Variants in POU6F2 observed in about 807,000 individuals in gnomAD.
POU6F2 encodes POU class 6 homeobox 2.
In POU6F2, 31 loss-of-function variants were observed where a neutral mutation model predicts 71.3. The observed-to-expected ratio is 0.43, with a 90% CI of 0.33 to 0.59. POU6F2 has a LOEUF of 0.59. POU6F2 is among the 20% of genes least tolerant of loss of function. POU6F2 has a pLI of 0.04. For synonymous variants in POU6F2, 347 were observed against 355.7 expected, an observed-to-expected ratio of 0.98 and a Z score of 0.27; for missense variants, 783 against 856.8, an observed-to-expected ratio of 0.91 and a Z score of 1.07.
intron 2 of POU6F2, among the ~76,000 whole-genome samples, chr7:39,113,122 A>T (rs2128725983): frequency 6.6e-6 from 1 of 152,328 alleles, no homozygotes; most frequent in African/African-American, 2.4e-5. Context: ...TTGAATTTAA[A>T]TTCCAAAACT....
intron 4 of POU6F2, among the ~76,000 whole-genome samples, chr7:39,319,601 C>T (rs1187758658): frequency 1.3e-5 from 2 of 152,160 alleles, no homozygotes; most frequent in Non-Finnish European, 2.9e-5. Flanking sequence ...CATCCAGCCC[C>T]GAGGAAATTC....
intron 4 of POU6F2, among the ~76,000 whole-genome samples, chr7:39,220,895 C>T (rs1206687016): frequency 6.6e-6 from 1 of 151,836 alleles, no homozygotes; most frequent in African/African-American, 2.4e-5. Context: ...GGCTATTGGG[C>T]ATTTAAAATG....
At chr7:39,394,053 T>TA (rs1787127677) in intron 5 of POU6F2, among the ~76,000 whole-genome samples, 1 of 152,152 alleles carries the variant, frequency 6.6e-6, no homozygotes, top group African/African-American at 2.4e-5. Context: ...AGTCCCCAAA[T>TA]AAATAAAAGA....
At chr7:39,307,627 T>G (rs1785072087) in intron 4 of POU6F2, among the ~76,000 whole-genome samples, 1 of 152,184 alleles carries the variant, frequency 6.6e-6, no homozygotes, top group Non-Finnish European at 1.5e-5. Flanking sequence ...TAAGTAAAGT[T>G]TTAGGATTAT....
At chr7:38,989,202 G>A (rs193086770) in intron 1 of POU6F2, among the ~76,000 whole-genome samples, 3 of 152,128 alleles carry the variant, frequency 2.0e-5, no homozygotes, top group African/African-American at 4.8e-5. Context: ...AGATGTGTCC[G>A]ACTTCAAATA....
At chr7:38,994,557 A>T (rs1225079471) in intron 1 of POU6F2, among the ~76,000 whole-genome samples, 1 of 152,160 alleles carries the variant, frequency 6.6e-6, no homozygotes, top group East Asian at 1.9e-4. Flanking sequence ...GCTCCTCACC[A>T]TGCCCGTGAC....
intron 4 of POU6F2, among the ~76,000 whole-genome samples, chr7:39,304,625 C>T (rs1785016868): frequency 6.6e-6 from 1 of 152,088 alleles, no homozygotes; most frequent in South Asian, 2.1e-4. Context: ...AAATGGAAAC[C>T]ATCAACTCTG....
intron 2 of POU6F2, among the ~76,000 whole-genome samples, chr7:39,146,685 G>T (rs745375446): frequency 6.6e-6 from 1 of 152,170 alleles, no homozygotes; most frequent in Non-Finnish European, 1.5e-5. Context: ...GCTTCAAGTT[G>T]TGGGTTTCTT....
intron 4 of POU6F2, among the ~76,000 whole-genome samples, chr7:39,249,976 A>G (rs186779963): frequency 1.3e-5 from 2 of 152,348 alleles, no homozygotes; most frequent in African/African-American, 4.8e-5. Flanking sequence ...ACTGTATAAT[A>G]ACAATGCATG....
chr7:39,163,563 A>G (rs1793042282), intron 2 of POU6F2, among the ~76,000 whole-genome samples: 1 of 152,218 alleles, frequency 6.6e-6, no homozygotes, highest in Non-Finnish European at 1.5e-5. Context: ...TTTGGACAGA[A>G]CAGATCCAGA....
chr7:38,993,205 TG>T (rs1445942998), intron 1 of POU6F2, among the ~76,000 whole-genome samples: 1 of 152,140 alleles, frequency 6.6e-6, no homozygotes, highest in Non-Finnish European at 1.5e-5. Flanking sequence ...AACATAGTAG[TG>T]AAGCTTATTT....
chr7:38,984,108 T>A (rs1332583010), intron 1 of POU6F2: 1 of 152,092 alleles, frequency 6.6e-6, no homozygotes, highest in Non-Finnish European at 1.5e-5. Flanking sequence ...GTATTCTCAC[T>A]TTCACCTATT....
rs559306989 is a variant in POU6F2 at position 39,161,597 on chromosome 7, G to A, written c.278-42638G>A. On this transcript the variant is annotated intron_variant, in intron 2 of 9. Transcript: ENST00000518318. ...TGCTCAAGGTAGCTGACTTCGGAAC[G>A]GCCCATGTAAACTGATAAGGCATCT... is the stretch of plus-strand genomic sequence containing the variant. Among the ~76,000 whole-genome samples the A allele has an allele frequency of 1.6e-4, 25 of 152,176 alleles. No individual in the cohort carries two copies. The South Asian group carries it at 4.8e-3, about 29-fold the overall frequency.
At chr7:39,060,965 A>T (rs972183364) in intron 1 of POU6F2, among the ~76,000 whole-genome samples, 10 of 151,992 alleles carry the variant, frequency 6.6e-5, no homozygotes, top group Non-Finnish European at 1.3e-4. Context: ...AAAAAAAAAA[A>T]ACTTATTGAA....
chr7:39,162,091 G>A (rs1331164042), intron 2 of POU6F2, among the ~76,000 whole-genome samples: 2 of 152,126 alleles, frequency 1.3e-5, no homozygotes, highest in Non-Finnish European at 2.9e-5. Flanking sequence ...TGACTAGGAG[G>A]CATTTTTATA....
chr7:39,036,431 A>G lies in POU6F2; in HGVS notation c.106-49429A>G, dbSNP rs569328546. Among the ~76,000 whole-genome samples the G allele has an allele frequency of 4.3e-4, 65 of 152,326 alleles. 1 individual carries two copies. Among genetic ancestry groups the G allele is most frequent in the South Asian group, 3.5e-3 (17 of 4,830 alleles). On this transcript the variant is annotated intron_variant, in intron 1 of 9. Coordinates refer to ENST00000518318, the MANE Select transcript of POU6F2 (RefSeq NM_001370959.1). ...AAAGTATGGAAAGAATGATTTAATT[A>G]TAATTAATTGTCATGAATGATGCCA...
chr7:39,461,985 C>T (rs1005920852), intron 9 of POU6F2, among the ~76,000 whole-genome samples: 4 of 152,206 alleles, frequency 2.6e-5, no homozygotes, highest in Admixed American at 2.6e-4. Flanking sequence ...AATTTTGTTT[C>T]ATCTTGACAG....
intron 4 of POU6F2, among the ~76,000 whole-genome samples, chr7:39,276,648 A>C (rs2128758308): frequency 6.6e-6 from 1 of 152,050 alleles, no homozygotes; most frequent in South Asian, 2.1e-4. Context: ...ACTTGGACCC[A>C]ACCCAAATGT....
At chr7:39,317,069 A>G (rs12666828) in intron 4 of POU6F2, among the ~76,000 whole-genome samples, 103,067 of 151,686 alleles carry the variant, frequency 0.68, 35,036 homozygotes, top group Admixed American at 0.77. Flanking sequence ...CCTTCTCACG[A>G]TAAGCCAGGT....
Sources: allele counts gnomAD v4.1 joint callset (sites outside exome capture counted in the v4.1 genomes callset), GRCh38; gene constraint gnomAD v4.1.1; transcripts MANE v1.5; gene names NCBI Gene and HGNC (gene_info 2026-07-23, HGNC 2026-07-21).